PCF11: variants seen among roughly 807,000 people sequenced by gnomAD.
The protein encoded by PCF11 is PCF11 cleavage and polyadenylation factor subunit.
PCF11 carries 19 observed loss-of-function variants against 166.1 expected under a neutral mutation model. That is an observed-to-expected ratio of 0.11 (90% confidence interval 0.08 to 0.17). The LOEUF (loss-of-function observed/expected upper bound fraction) is 0.17, where lower values mean the gene tolerates loss of function less well. PCF11 is among the 10% of genes least tolerant of loss of function. The probability of loss-of-function intolerance (pLI) is 1.00; values close to 1 mark genes in which losing one functional copy is unlikely to be tolerated. For missense variants in PCF11, 1,565 were observed against 1,855.5 expected (o/e 0.84, Z 2.88); for synonymous variants, 663 against 644.1 (o/e 1.03, Z -0.44).
chr11:83,183,103 C>G, intron 15 of PCF11, 30 bp downstream of exon 15: 1 of 1,279,114 alleles, frequency 7.8e-7, no homozygotes, highest in Non-Finnish European at 1.1e-6. Context: ...TGTATTTGTT[C>G]TCATTTGCAT....
chr11:83,171,414 A>T (rs1241341249), intron 8 of PCF11: 4 of 365,610 alleles, frequency 1.1e-5, no homozygotes, highest in Non-Finnish European at 1.6e-5. Flanking sequence ...TATAGATCAT[A>T]TTGCATTATG....
At chr11:83,165,901 C>A (rs763428984) in exon 5 of PCF11, 4 of 1,606,534 alleles carry the variant, frequency 2.5e-6, no homozygotes, top group Non-Finnish European at 3.4e-6. Flanking sequence ...ACTATACCCT[C>A]TGAAAAACTA....
At chr11:83,166,097 A>G in exon 5 of PCF11, 1 of 1,611,326 alleles carries the variant, frequency 6.2e-7, no homozygotes, top group Non-Finnish European at 8.5e-7. Flanking sequence ...TGAACAAGAG[A>G]GATCCAAGAT....
intron 1 of PCF11, among the ~76,000 whole-genome samples, 177 bp from the exon 2 acceptor site, chr11:83,161,150 A>T (rs1860237782): frequency 6.6e-6 from 1 of 152,238 alleles, no homozygotes; most frequent in South Asian, 2.1e-4. Flanking sequence ...TTTGTGCTCA[A>T]CTAAGGATTG....
At chr11:83,177,943 A>T in intron 11 of PCF11, 124 bp downstream of exon 11, 1 of 369,502 alleles carries the variant, frequency 2.7e-6, no homozygotes, top group Non-Finnish European at 4.6e-6. Context: ...AACATTTAGG[A>T]AGTCTTTTTT....
chr11:83,157,607 T>G (rs1371494088), exon 1 of PCF11: 1 of 1,614,006 alleles, frequency 6.2e-7, no homozygotes, highest in Admixed American at 1.7e-5. Context: ...AGATCGTCTC[T>G]CTCATCGAGG....
chr11:83,169,693 C>G, exon 8 of PCF11: 1 of 1,613,854 alleles, frequency 6.2e-7, no homozygotes, highest in Non-Finnish European at 8.5e-7. Context: ...TGACAATCAT[C>G]CTTCACAAAG....
At chr11:83,157,800 C>T (rs1403929381) in intron 1 of PCF11, 169 bp downstream of exon 1, 7 of 631,664 alleles carry the variant, frequency 1.1e-5, no homozygotes, top group South Asian at 5.7e-5. Flanking sequence ...CGAGCATGGG[C>T]CTCTGGGGGG....
Position 83,167,072 on chromosome 11 carries a change from G to C in PCF11, c.1818-53G>C, listed in dbSNP as rs1012635526. 8.5e-5 allele frequency: 117 copies of C among 1,375,468 alleles called. No homozygotes were observed. Among genetic ancestry groups the C allele is most frequent in the Non-Finnish European group, 1.1e-4 (108 of 988,622 alleles). 85.2% of individuals were successfully genotyped at this position (1,375,468 alleles called of 1,614,324 possible). On this transcript the variant is annotated intron_variant, in intron 5 of 15. Coordinates refer to ENST00000298281, the Ensembl canonical transcript of PCF11. The surrounding 1 kb of genome is among the most constrained non-coding windows in gnomAD (Gnocchi z 4.2). ...GAAAAGAATCTTTAAATATGGTCCT[G>C]AGTATTTTTTAAAAAAACATTTCAA... is the stretch of plus-strand genomic sequence containing the variant.
exon 10 of PCF11, chr11:83,177,148 C>T: frequency 6.3e-7 from 1 of 1,581,542 alleles, no homozygotes; most frequent in Non-Finnish European, 8.6e-7. Flanking sequence ...GAATTGTTTT[C>T]AAAATTGCTA....
chr11:83,177,331 A>G, intron 10 of PCF11, 127 bp downstream of exon 10: 1 of 720,996 alleles, frequency 1.4e-6, no homozygotes. Flanking sequence ...TATAGCTTTT[A>G]TTTTTGATTT....
intron 1 of PCF11, 147 bp downstream of exon 1, chr11:83,157,778 T>C (rs1860050685): frequency 2.8e-6 from 2 of 711,634 alleles, no homozygotes; most frequent in Middle Eastern, 2.5e-4. Flanking sequence ...GCTCGGTCTT[T>C]GGCCCAGGCT....
exon 16 of PCF11, chr11:83,186,242 A>G (rs182707709): frequency 7.4e-4 from 113 of 152,346 alleles, no homozygotes; most frequent in African/African-American, 2.7e-3. Flanking sequence ...AAAAGTGGTG[A>G]CATTTGAGTC....
At chr11:83,165,952 T>C (rs1426992216) in exon 5 of PCF11, 1 of 1,606,906 alleles carries the variant, frequency 6.2e-7, no homozygotes, top group South Asian at 1.1e-5. Flanking sequence ...GGTGAAAAAA[T>C]AACCAAGAAA....
chr11:83,184,426 T>A, intron 15 of PCF11: 1 of 383,210 alleles, frequency 2.6e-6, no homozygotes. Flanking sequence ...TCTAATCAAC[T>A]TTTTTTGGCT....
exon 3 of PCF11, chr11:83,163,826 A>G: frequency 6.3e-7 from 1 of 1,575,408 alleles, no homozygotes; most frequent in East Asian, 2.3e-5. Context: ...CAATGTGAAT[A>G]CGTCTAGCAT....
exon 8 of PCF11, chr11:83,169,602 T>G (rs780801931): frequency 2.5e-6 from 4 of 1,613,854 alleles, no homozygotes; most frequent in Non-Finnish European, 3.4e-6. Context: ...GATTTGACGG[T>G]GTACCTCAAA....
rs1407556747 is a variant in PCF11, at chr11:83,169,231, G to T, written c.2896G>T (p.Gly966Cys). ...GGGCCCCCATGGTCAGTCAGTAGCT[G>T]GTCTGAGATTTGAGGGACAACATAA... The change falls in exon 8 of 16, where the codon GGT (glycine) becomes TGT (cysteine). Residue 966 changes from glycine to cysteine, a missense_variant. Around this residue, in one of 12 missense-constraint regions of PCF11, gnomAD observed 725 missense variants for 749.3 expected, o/e 0.97. Coordinates refer to ENST00000298281, the Ensembl canonical transcript of PCF11. 1.9e-6 allele frequency: 3 copies of T among 1,613,726 alleles called. No individual in the cohort carries two copies. The Admixed American group carries it at 5.0e-5, about 27-fold the overall frequency.
Position 83,167,845 on chromosome 11 carries a change from A to C in PCF11, c.2092+340A>C, listed in dbSNP as rs1399602826. 2.3e-6 allele frequency: 3 copies of C among 1,316,968 alleles called. No homozygotes were observed. The highest frequency in any genetic ancestry group is 1.5e-5 in the African/African-American group (1 of 67,054). 81.6% of individuals were successfully genotyped at this position (1,316,968 alleles called of 1,614,324 possible). A position where few individuals can be genotyped will look rare whatever the true frequency, so the allele number is the denominator to read the frequency against. ...TCTGGGAGTCGTACTTATGCTGAGA[A>C]TCTTTCACCCCATGAGGGCCGGAGA... On this transcript the variant is annotated intron_variant, in intron 7 of 15. Transcript: ENST00000298281. This position sits in a 1 kb window ranked among gnomAD's most constrained non-coding sequence, Gnocchi z 4.2.
Sources: allele counts gnomAD v4.1 joint callset (sites outside exome capture counted in the v4.1 genomes callset), GRCh38; gene constraint gnomAD v4.1.1; regional missense constraint gnomAD v4.1.1; non-coding constraint Gnocchi (gnomAD v3.1); transcripts MANE v1.5; gene names NCBI Gene and HGNC (gene_info 2026-07-23, HGNC 2026-07-21).